Variants in MXI1 observed in about 807,000 individuals in gnomAD.
The protein encoded by MXI1 is MAX interactor 1, dimerization protein, also known as max-interacting protein 1.
Under a neutral mutation model 36.9 loss-of-function variants are expected in MXI1, and 18 were observed. That is an observed-to-expected ratio of 0.49 (90% confidence interval 0.34 to 0.72). MXI1 has a LOEUF of 0.72. MXI1 is among the 30% of genes least tolerant of loss of function. The pLI is 0.01. For missense variants in MXI1, 304 were observed against 379.1 expected, an observed-to-expected ratio of 0.80 and a Z score of 1.64; for synonymous variants, 160 against 146.7, an observed-to-expected ratio of 1.09 and a Z score of -0.65.
chr10:110,223,325 C>T (rs1230148109), intron 1 of MXI1, among the ~76,000 whole-genome samples: 1 of 152,120 alleles, frequency 6.6e-6, no homozygotes, highest in Non-Finnish European at 1.5e-5. Context: ...TGTATTTGTC[C>T]TGGCCAGGGA....
chr10:110,225,949 G>C (rs1194794245), intron 1 of MXI1: 1 of 908,426 alleles, frequency 1.1e-6, no homozygotes, highest in Non-Finnish European at 1.3e-6. Context: ...GGAGGGGGCG[G>C]GCCCCGGCGC....
At chr10:110,273,269 G>C (rs532301213) in intron 3 of MXI1, among the ~76,000 whole-genome samples, 31 of 151,618 alleles carry the variant, frequency 2.0e-4, no homozygotes, top group African/African-American at 7.5e-4. Context: ...CAATGGTCTC[G>C]ATCTCCTGAC....
chr10:110,239,867 A>C (rs1343242725), intron 2 of MXI1, among the ~76,000 whole-genome samples: 1 of 152,144 alleles, frequency 6.6e-6, no homozygotes, highest in African/African-American at 2.4e-5. Flanking sequence ...GAAATATTAC[A>C]AATCTTAGAA....
At chr10:110,208,805 G>A (rs1251740758) in intron 1 of MXI1, among the ~76,000 whole-genome samples, 3 of 143,834 alleles carry the variant, frequency 2.1e-5, no homozygotes, top group African/African-American at 7.9e-5. Flanking sequence ...CCCCGGACAC[G>A]CCGTCCTGAG....
At chr10:110,211,430 C>T (rs998158413) in intron 1 of MXI1, among the ~76,000 whole-genome samples, 6 of 152,304 alleles carry the variant, frequency 3.9e-5, no homozygotes, top group East Asian at 1.9e-4. Context: ...CTTAAAGGGA[C>T]GCTCTTCTGT....
chr10:110,248,621 C>T (rs1478573905), intron 3 of MXI1, among the ~76,000 whole-genome samples: 1 of 152,028 alleles, frequency 6.6e-6, no homozygotes, highest in African/African-American at 2.4e-5. Context: ...CTTACCCTAC[C>T]TTACTTCACT....
At position 110,227,254 on chromosome 10, in the gene MXI1, TGTGCGGGAAGGGCGTGCGC is replaced by T. The variant is rs1318487231; in HGVS notation, c.275-931_275-913del. ...GGATGGTGCGCGGGGGGGAGGGGCG[TGTGCGGGAAGGGCGTGCGC>T]GTGTGGGAGGGGCGTGCGCGTGTGG... On this transcript the variant is annotated intron_variant, in intron 1 of 5. Coordinates refer to ENST00000332674, the MANE Select transcript of MXI1 (RefSeq NM_130439.3). 38 of 531,656 alleles carry T rather than the reference TGTGCGGGAAGGGCGTGCGC, an allele frequency of 7.1e-5. No homozygotes were observed. The Middle Eastern group carries it at 2.8e-3, about 39-fold the overall frequency. 32.9% of individuals were successfully genotyped at this position (531,656 alleles called of 1,614,324 possible). A position where few individuals can be genotyped will look rare whatever the true frequency, so the allele number is the denominator to read the frequency against.
At position 110,285,528 on chromosome 10, in the gene MXI1, ATTTTT is replaced by A. The variant is rs376761325; in HGVS notation, c.*549_*553del. On this transcript the variant is annotated 3_prime_UTR_variant, in exon 6 of 6. Coordinates refer to ENST00000332674, the MANE Select transcript of MXI1 (RefSeq NM_130439.3). Reference sequence around the variant, plus strand: ...TGTGGATGATCAATCCTTTATTATTATTTTTTTTTTTTGAAAAAAGCTCATTTCAT... The same window carrying A: ...TGTGGATGATCAATCCTTTATTATTATTTTTTTGAAAAAAGCTCATTTCAT... The A allele has an allele frequency of 1.4e-5, 2 of 145,816 alleles. No individual in the cohort carries two copies. The highest frequency in any genetic ancestry group is 5.4e-5 in the African/African-American group (2 of 37,150). The allele number at this position is 145,816 out of a possible 1,614,324, so 9.0% of individuals were successfully genotyped here.
intron 3 of MXI1, among the ~76,000 whole-genome samples, chr10:110,270,433 T>A (rs1856820426): frequency 1.3e-5 from 2 of 149,748 alleles, no homozygotes; most frequent in Non-Finnish European, 1.5e-5. Context: ...GGAACAAGAT[T>A]TAATTATTTT....
At chr10:110,275,138 G>A (rs1054404207) in intron 3 of MXI1, among the ~76,000 whole-genome samples, 2 of 152,054 alleles carry the variant, frequency 1.3e-5, no homozygotes, top group African/African-American at 2.4e-5. Flanking sequence ...GCCTCCCAAA[G>A]TGCTGGGATT....
intron 2 of MXI1, among the ~76,000 whole-genome samples, chr10:110,233,509 TC>T (rs1446761735): frequency 6.6e-6 from 1 of 152,128 alleles, no homozygotes; most frequent in Non-Finnish European, 1.5e-5. Flanking sequence ...GTAATTTTTT[TC>T]TACTATTCTG....
In MXI1 at chr10:110,286,189, A is replaced by G. The variant is rs1160449256; in HGVS notation, c.*1202A>G. ...ACACACTATCATAGTTAACATAGTA[A>G]GTTCAGCACTTGTCTCATTTTAATG... On this transcript the variant is annotated 3_prime_UTR_variant, in exon 6 of 6. Coordinates refer to ENST00000332674, the MANE Select transcript of MXI1 (RefSeq NM_130439.3). 7 of 152,640 alleles carry G rather than the reference A, an allele frequency of 4.6e-5. No individual in the cohort carries two copies. Among genetic ancestry groups the G allele is most frequent in the Non-Finnish European group, 8.8e-5 (6 of 68,030 alleles). 9.5% of individuals were successfully genotyped at this position (152,640 alleles called of 1,614,324 possible). A position where few individuals can be genotyped will look rare whatever the true frequency, so the allele number is the denominator to read the frequency against.
intron 3 of MXI1, among the ~76,000 whole-genome samples, chr10:110,256,033 T>A (rs1225861138): frequency 5.3e-5 from 8 of 152,172 alleles, no homozygotes; most frequent in Admixed American, 2.0e-4. Flanking sequence ...GGTCAACTAA[T>A]TTTTAGCAAG....
intron 3 of MXI1, among the ~76,000 whole-genome samples, chr10:110,277,929 T>C (rs1309184315): frequency 6.6e-6 from 1 of 152,232 alleles, no homozygotes; most frequent in Non-Finnish European, 1.5e-5. Context: ...TTCTTGTCTA[T>C]TAAGACAGAG....
chr10:110,269,504 C>T (rs1448410686), intron 3 of MXI1, among the ~76,000 whole-genome samples: 1 of 152,206 alleles, frequency 6.6e-6, no homozygotes, highest in Non-Finnish European at 1.5e-5. Flanking sequence ...CGTCATTTCC[C>T]TCTTCCATCC....
At chr10:110,275,544 C>A (rs1856997799) in intron 3 of MXI1, among the ~76,000 whole-genome samples, 1 of 152,170 alleles carries the variant, frequency 6.6e-6, no homozygotes, top group Admixed American at 6.5e-5. Context: ...TTAACTCTTT[C>A]CAGTTTACAG....
At chr10:110,255,205 C>T (rs1015975374) in intron 3 of MXI1, among the ~76,000 whole-genome samples, 2 of 152,190 alleles carry the variant, frequency 1.3e-5, no homozygotes, top group African/African-American at 2.4e-5. Context: ...TAAATCTCCT[C>T]TGCCTGTGCT....
intron 1 of MXI1, 121 bp downstream of exon 1, chr10:110,208,203 G>C (rs943472792): frequency 1.0e-4 from 112 of 1,070,144 alleles, no homozygotes; most frequent in Non-Finnish European, 1.4e-4. Context: ...TCCAGCCCTT[G>C]GCAGTAAAGC....
intron 3 of MXI1, among the ~76,000 whole-genome samples, chr10:110,265,952 C>T (rs1299976764): frequency 6.6e-6 from 1 of 152,134 alleles, no homozygotes; most frequent in African/African-American, 2.4e-5. Flanking sequence ...TTGTCACTTA[C>T]TCTGGGGTGA....
Sources: gnomAD v4.1 joint callset for allele counts (sites outside exome capture counted in the v4.1 genomes callset) on GRCh38, gnomAD v4.1.1 for gene constraint, MANE v1.5 for transcripts, NCBI Gene and HGNC (gene_info 2026-07-23, HGNC 2026-07-21) for gene names.